Variants in LCE3C observed in about 807,000 individuals in gnomAD.
The protein encoded by LCE3C is late cornified envelope 3C, also known as late cornified envelope protein 3C.
For synonymous variants in LCE3C, 29 were observed against 32.4 expected (o/e 0.89, Z 0.36); for missense variants, 53 against 83.3 (o/e 0.64, Z 1.42).
Position 152,600,685 on chromosome 1 carries a change from T to A in LCE3C, c.-25-22T>A, listed in dbSNP as rs1461087883. The A allele has an allele frequency of 2.3e-6, 2 of 872,030 alleles. 1 individual carries two copies. Among genetic ancestry groups the A allele is most frequent in the African/African-American group, 3.4e-5 (2 of 58,186 alleles). 54.0% of individuals were successfully genotyped at this position (872,030 alleles called of 1,614,324 possible). A position where few individuals can be genotyped will look rare whatever the true frequency, so the allele number is the denominator to read the frequency against. On this transcript the variant is annotated intron_variant, in intron 1 of 1. Coordinates refer to ENST00000684028, the MANE Select transcript of LCE3C (RefSeq NM_178434.3). ...ATGGTCTGAGGGTTCTGTGCTCAAA[T>A]GTTTCTATTATTCTGTTCAAGGTAA...
chr1:152,600,797 C>A lies in LCE3C; in HGVS notation c.66C>A (p.Pro22=). The change falls in exon 2 of 2, where the codon CCC becomes CCA. Residue 22 remains proline (P), a synonymous_variant. Coordinates refer to ENST00000684028, the MANE Select transcript of LCE3C (RefSeq NM_178434.3). ...PPPSCPSPKC[P]PKSPAQCLPP... is the part of the protein sequence containing the mutation. ...CCAGTTGTCCCTCACCCAAGTGTCCCCCAAAGAGCCCAGCACAGTGTCTGC... is the reference window on the plus strand; with the variant it reads ...CCAGTTGTCCCTCACCCAAGTGTCCACCAAAGAGCCCAGCACAGTGTCTGC... The A allele has an allele frequency of 4.2e-6, 4 of 949,344 alleles. 2 individuals carry two copies. The highest frequency in any genetic ancestry group is 5.9e-6 in the Non-Finnish European group (4 of 675,050). 58.8% of individuals were successfully genotyped at this position (949,344 alleles called of 1,614,324 possible).
rs776195902 is a variant in LCE3C, at chr1:152,600,928, G to A, written c.197G>A (p.Arg66Gln). Residue 66 changes from arginine (R) to glutamine (Q), a missense_variant, in exon 2 of 2, where the codon CGG (arginine) becomes CAG (glutamine). By Grantham distance (43) the Arg-to-Gln change is conservative (BLOSUM62 1). Transcript: ENST00000684028. ...AGGCACTTCAGGTCCCATCAATGCC[G>A]GCGCCAGAGATCCAACTCCTGTGAC... ...HHRHFRSHQC[R>Q]RQRSNSCDRG... 7.2e-5 allele frequency: 68 copies of A among 949,380 alleles called. 24 individuals are homozygous for A. Among genetic ancestry groups the A allele is most frequent in the Admixed American group, 3.6e-4 (13 of 35,658 alleles). 58.8% of individuals were successfully genotyped at this position (949,380 alleles called of 1,614,324 possible).
At position 152,600,964 on chromosome 1, in the gene LCE3C, G is replaced by T. The variant is rs763336579; in HGVS notation, c.233G>T (p.Gly78Val). ...QRSNSCDRGS[G>V]QQGGGSCRGH... ...TCCAACTCCTGTGACAGGGGCAGTG[G>T]TCAGCAAGGCGGGGGCTCCTGCCGT... Residue 78 changes from glycine to valine, a missense_variant, in exon 2 of 2, where the codon GGT becomes GTT. Transcript: ENST00000684028. The T allele has an allele frequency of 2.8e-5, 27 of 950,026 alleles. 11 individuals carry two copies. The South Asian group carries it at 4.9e-4, about 17-fold the overall frequency. The allele number at this position is 950,026 out of a possible 1,614,324, so 58.8% of individuals were successfully genotyped here.
In LCE3C at chr1:152,600,399, A is replaced by G. The variant is rs148871955; in HGVS notation, c.-26+115A>G. Among the ~76,000 whole-genome samples, 91 of 93,458 alleles carry G rather than the reference A, an allele frequency of 9.7e-4. 31 individuals carry two copies. The East Asian group carries it at 0.021, about 22-fold the overall frequency. The allele number at this position is 93,458 out of a possible 152,430, so 61.3% of individuals were successfully genotyped here. A position where few individuals can be genotyped will look rare whatever the true frequency, so the allele number is the denominator to read the frequency against. ...ACAGTGGGCAGCAGTGGGGGAGGTG[A>G]TGGAGAATAAGGAGCCTCTAAAGCA... On this transcript the variant is annotated intron_variant, in intron 1 of 1. Transcript: ENST00000684028.
chr1:152,600,704 A>T lies in LCE3C; in HGVS notation c.-25-3A>T. 4.3e-6 allele frequency: 4 copies of T among 926,232 alleles called. 2 individuals are homozygous for T. The highest frequency in any genetic ancestry group is 5.3e-4 in the Middle Eastern group (2 of 3,778). The allele number at this position is 926,232 out of a possible 1,614,324, so 57.4% of individuals were successfully genotyped here. On this transcript the variant is annotated splice_region_variant and splice_polypyrimidine_tract_variant and intron_variant, in intron 1 of 1. Coordinates refer to ENST00000684028, the MANE Select transcript of LCE3C (RefSeq NM_178434.3). The stretch of plus-strand genomic sequence containing the variant: ...CTCAAATGTTTCTATTATTCTGTTC[A>T]AGGTAAAATTCCTGCATTCCTGCAA...
In LCE3C at chr1:152,600,815, G is replaced by A; in HGVS notation, c.84G>A (p.Gln28=). ...SPKCPPKSPA[Q]CLPPPSSDCA... is the part of the protein sequence containing the mutation. Reference sequence around the variant, plus strand: ...AGTGTCCCCCAAAGAGCCCAGCACAGTGTCTGCCTCCACCCTCTTCTGACT... The same window carrying A: ...AGTGTCCCCCAAAGAGCCCAGCACAATGTCTGCCTCCACCCTCTTCTGACT... The change falls in exon 2 of 2, where the codon CAG becomes CAA. Residue 28 remains glutamine, a synonymous_variant. Transcript: ENST00000684028. 3.2e-6 allele frequency: 3 copies of A among 949,120 alleles called. 1 individual carries two copies. Among genetic ancestry groups the A allele is most frequent in the South Asian group, 1.9e-5 (1 of 53,568 alleles). 58.8% of individuals were successfully genotyped at this position (949,120 alleles called of 1,614,324 possible).
intron 1 of LCE3C, 90 bp from the exon 2 acceptor site, chr1:152,600,617 T>A: frequency 2.0e-6 from 1 of 508,242 alleles, no homozygotes; most frequent in Non-Finnish European, 3.3e-6. Flanking sequence ...AGAAAGTGGC[T>A]TCATCAAGGG....
chr1:152,600,923 A>G lies in LCE3C; in HGVS notation c.192A>G (p.Gln64=), dbSNP rs138589089. The change falls in exon 2 of 2, where the codon CAA becomes CAG. Residue 64 remains glutamine, a synonymous_variant. Transcript: ENST00000684028. ...LSHHRHFRSH[Q]CRRQRSNSCD... ...ACCACAGGCACTTCAGGTCCCATCAATGCCGGCGCCAGAGATCCAACTCCT... is the reference window on the plus strand; with the variant it reads ...ACCACAGGCACTTCAGGTCCCATCAGTGCCGGCGCCAGAGATCCAACTCCT... 5.9e-5 allele frequency: 56 copies of G among 949,434 alleles called. 16 individuals carry two copies. The African/African-American group carries it at 8.2e-4, about 14-fold the overall frequency. The allele number at this position is 949,434 out of a possible 1,614,324, so 58.8% of individuals were successfully genotyped here. A position where few individuals can be genotyped will look rare whatever the true frequency, so the allele number is the denominator to read the frequency against.
chr1:152,600,726 G>A lies in LCE3C; in HGVS notation c.-6G>A. 2.1e-6 allele frequency: 2 copies of A among 946,922 alleles called. 1 individual carries two copies. Among genetic ancestry groups the A allele is most frequent in the Non-Finnish European group, 3.0e-6 (2 of 673,146 alleles). The allele number at this position is 946,922 out of a possible 1,614,324, so 58.7% of individuals were successfully genotyped here. On this transcript the variant is annotated 5_prime_UTR_variant, in exon 2 of 2. Transcript: ENST00000684028. ...TTCAAGGTAAAATTCCTGCATTCCT[G>A]CAAAGATGTCCTGCCAGCAAAACCA...
In LCE3C at chr1:152,600,760, G is replaced by A; in HGVS notation, c.29G>A (p.Cys10Tyr). The A allele has an allele frequency of 3.2e-6, 3 of 950,784 alleles. 1 individual carries two copies. Among genetic ancestry groups the A allele is most frequent in the Non-Finnish European group, 4.4e-6 (3 of 676,422 alleles). 58.9% of individuals were successfully genotyped at this position (950,784 alleles called of 1,614,324 possible). A position where few individuals can be genotyped will look rare whatever the true frequency, so the allele number is the denominator to read the frequency against. The change falls in exon 2 of 2, where the codon TGC becomes TAC. Residue 10 changes from cysteine (C) to tyrosine (Y), a missense_variant. Cys to Tyr is a radical substitution (Grantham distance 194). Transcript: ENST00000684028. ...TCCTGCCAGCAAAACCAGCAGCAGT[G>A]CCAGCCCCCTCCCAGTTGTCCCTCA... MSCQQNQQQ[C>Y]QPPPSCPSPK...
rs778075739 is a variant in LCE3C at position 152,600,893 on chromosome 1, G to A, written c.162G>A (p.Leu54=). 7 of 949,572 alleles carry A rather than the reference G, an allele frequency of 7.4e-6. 3 individuals are homozygous for A. In the South Asian group the frequency reaches 1.3e-4, roughly 18 times the overall value. 58.8% of individuals were successfully genotyped at this position (949,572 alleles called of 1,614,324 possible). ...CCAGTTCTGAAAGTGGCTGCTGCCT[G>A]AGCCACCACAGGCACTTCAGGTCCC... ...CGPSSESGCC[L]SHHRHFRSHQ... Residue 54 remains leucine, a synonymous_variant, in exon 2 of 2, where the codon CTG becomes CTA. Transcript: ENST00000684028.
rs941493942 is a variant in LCE3C, at chr1:152,601,086, C to T, written c.*70C>T. ...GATCCCAAAGGCCCAGGAAAAGCTC[C>T]ATCCTGATGCATGCTTTTCCAGATA... On this transcript the variant is annotated 3_prime_UTR_variant, in exon 2 of 2. Transcript: ENST00000684028. The T allele has an allele frequency of 2.8e-6, 2 of 724,516 alleles. 1 individual carries two copies. The highest frequency in any genetic ancestry group is 4.0e-6 in the Non-Finnish European group (2 of 499,268). 44.9% of individuals were successfully genotyped at this position (724,516 alleles called of 1,614,324 possible).
chr1:152,600,947 C>T lies in LCE3C; in HGVS notation c.216C>T (p.Ser72=). The change falls in exon 2 of 2, where the codon TCC becomes TCT. Residue 72 remains serine (S), a synonymous_variant. Coordinates refer to ENST00000684028, the MANE Select transcript of LCE3C (RefSeq NM_178434.3). ...SHQCRRQRSN[S]CDRGSGQQGG... ...AATGCCGGCGCCAGAGATCCAACTC[C>T]TGTGACAGGGGCAGTGGTCAGCAAG... The T allele has an allele frequency of 1.1e-6, 1 of 949,890 alleles. No homozygotes were observed. The allele number at this position is 949,890 out of a possible 1,614,324, so 58.8% of individuals were successfully genotyped here.
At position 152,600,798 on chromosome 1, in the gene LCE3C, C is replaced by T. The variant is rs1660417742; in HGVS notation, c.67C>T (p.Pro23Ser). 1.9e-5 allele frequency: 18 copies of T among 949,536 alleles called. 8 individuals are homozygous for T. The East Asian group carries it at 6.4e-4, about 34-fold the overall frequency. The allele number at this position is 949,536 out of a possible 1,614,324, so 58.8% of individuals were successfully genotyped here. ...PPSCPSPKCP[P>S]KSPAQCLPPP... ...CAGTTGTCCCTCACCCAAGTGTCCC[C>T]CAAAGAGCCCAGCACAGTGTCTGCC... The change falls in exon 2 of 2, where the codon CCA becomes TCA. Residue 23 changes from proline (P) to serine (S), a missense_variant. Coordinates refer to ENST00000684028, the MANE Select transcript of LCE3C (RefSeq NM_178434.3).
At position 152,601,061 on chromosome 1, in the gene LCE3C, GATCCC is replaced by G. The variant is rs772515448; in HGVS notation, c.*47_*51del. On this transcript the variant is annotated 3_prime_UTR_variant, in exon 2 of 2. Transcript: ENST00000684028. Reference sequence around the variant, plus strand: ...ACAAGTGATCTTTGGAGGAAACAAGGATCCCAAAGGCCCAGGAAAAGCTCCATCCT... The same window carrying G: ...ACAAGTGATCTTTGGAGGAAACAAGGAAAGGCCCAGGAAAAGCTCCATCCT... 14 of 865,858 alleles carry G rather than the reference GATCCC, an allele frequency of 1.6e-5. 5 individuals carry two copies. In the African/African-American group the frequency reaches 2.3e-4, roughly 14 times the overall value. 53.6% of individuals were successfully genotyped at this position (865,858 alleles called of 1,614,324 possible).
rs1660419837 is a variant in LCE3C at position 152,600,865 on chromosome 1, G to A, written c.134G>A (p.Gly45Asp). 1 of 949,744 alleles carries A rather than the reference G, an allele frequency of 1.1e-6. No individual in the cohort carries two copies. Among genetic ancestry groups the A allele is most frequent in the Admixed American group, 2.8e-5 (1 of 35,706 alleles). 58.8% of individuals were successfully genotyped at this position (949,744 alleles called of 1,614,324 possible). A position where few individuals can be genotyped will look rare whatever the true frequency, so the allele number is the denominator to read the frequency against. The stretch of plus-strand genomic sequence containing the variant: ...TGTGCTCTAAGCTCCGGGGGCTGTG[G>A]CCCCAGTTCTGAAAGTGGCTGCTGC... ...SDCALSSGGC[G>D]PSSESGCCLS... The change falls in exon 2 of 2, where the codon GGC (glycine) becomes GAC (aspartate). Residue 45 changes from glycine to aspartate, a missense_variant. Gly to Asp is a moderately conservative substitution (Grantham distance 94, BLOSUM62 -1). Coordinates refer to ENST00000684028, the MANE Select transcript of LCE3C (RefSeq NM_178434.3).
rs909978378 is a variant in LCE3C, at chr1:152,601,082, G to A, written c.*66G>A. The A allele has an allele frequency of 7.8e-5, 61 of 784,436 alleles. 21 individuals carry two copies. The highest frequency in any genetic ancestry group is 1.1e-4 in the Non-Finnish European group (58 of 550,314). The allele number at this position is 784,436 out of a possible 1,614,324, so 48.6% of individuals were successfully genotyped here. ...CAAGGATCCCAAAGGCCCAGGAAAA[G>A]CTCCATCCTGATGCATGCTTTTCCA... On this transcript the variant is annotated 3_prime_UTR_variant, in exon 2 of 2. Coordinates refer to ENST00000684028, the MANE Select transcript of LCE3C (RefSeq NM_178434.3).
At position 152,600,872 on chromosome 1, in the gene LCE3C, T is replaced by C; in HGVS notation, c.141T>C (p.Ser47=). ...TAAGCTCCGGGGGCTGTGGCCCCAG[T>C]TCTGAAAGTGGCTGCTGCCTGAGCC... ...CALSSGGCGP[S]SESGCCLSHH... is the part of the protein sequence containing the mutation. Residue 47 remains serine (S), a synonymous_variant, in exon 2 of 2, where the codon AGT becomes AGC. Coordinates refer to ENST00000684028, the MANE Select transcript of LCE3C (RefSeq NM_178434.3). 1.1e-6 allele frequency: 1 copy of C among 949,850 alleles called. No individual in the cohort carries two copies. The highest frequency in any genetic ancestry group is 1.5e-6 in the Non-Finnish European group (1 of 676,260). The allele number at this position is 949,850 out of a possible 1,614,324, so 58.8% of individuals were successfully genotyped here.
chr1:152,600,943 A>ACTCCTGTG lies in LCE3C; in HGVS notation c.213_220dup (p.Asp74AlafsTer?). The ACTCCTGTG allele has an allele frequency of 1.1e-6, 1 of 948,566 alleles. No homozygotes were observed. The highest frequency in any genetic ancestry group is 1.5e-6 in the Non-Finnish European group (1 of 675,772). 58.8% of individuals were successfully genotyped at this position (948,566 alleles called of 1,614,324 possible). A position where few individuals can be genotyped will look rare whatever the true frequency, so the allele number is the denominator to read the frequency against. ...CATCAATGCCGGCGCCAGAGATCCAACTCCTGTGACAGGGGCAGTGGTCAG... is the reference window on the plus strand; with the variant it reads ...CATCAATGCCGGCGCCAGAGATCCAACTCCTGTGCTCCTGTGACAGGGGCAGTGGTCAG... On this transcript the variant is annotated frameshift_variant, in exon 2 of 2. Coordinates refer to ENST00000684028, the MANE Select transcript of LCE3C (RefSeq NM_178434.3). LOFTEE classifies it high-confidence loss of function.
Sources: gnomAD v4.1 joint callset for allele counts (sites outside exome capture counted in the v4.1 genomes callset) on GRCh38, gnomAD v4.1.1 for gene constraint, MANE v1.5 for transcripts, NCBI Gene and HGNC (gene_info 2026-07-23, HGNC 2026-07-21) for gene names.